The following KATNIP variants were observed in gnomAD, a reference collection of about 807,000 sequenced individuals.
KATNIP encodes katanin-interacting protein.
KATNIP carries 126 observed loss-of-function variants against 174.0 expected under a neutral mutation model. The ratio of observed to expected loss-of-function variants is 0.72; its 90% confidence interval spans 0.63 to 0.84. The LOEUF (loss-of-function observed/expected upper bound fraction) is 0.84. Ranked by LOEUF, KATNIP falls within the 40% of genes least tolerant of loss-of-function variation. The probability of loss-of-function intolerance (pLI) is 0.00; values close to 1 mark genes in which losing one functional copy is unlikely to be tolerated. For missense variants in KATNIP, 1,958 were observed against 2,109.7 expected (o/e 0.93, Z 1.41); for synonymous variants, 810 against 835.7 (o/e 0.97, Z 0.53).
intron 8 of KATNIP, among the ~76,000 whole-genome samples, chr16:27,690,498 CA>C (rs1391108561): frequency 8.5e-5 from 13 of 152,170 alleles, no homozygotes; most frequent in African/African-American, 2.7e-4. Flanking sequence ...GGTCCACATA[CA>C]GGGGTGGGAG....
At chr16:27,701,094 A>G (rs968220685) in intron 10 of KATNIP, among the ~76,000 whole-genome samples, 2 of 152,228 alleles carry the variant, frequency 1.3e-5, no homozygotes, top group Admixed American at 6.5e-5. Context: ...GGAATTCTTC[A>G]TAGAGTCTGC....
At chr16:27,768,744 T>A (rs2082202756) in intron 20 of KATNIP, among the ~76,000 whole-genome samples, 1 of 152,198 alleles carries the variant, frequency 6.6e-6, no homozygotes, top group African/African-American at 2.4e-5. Context: ...TCAGGTTTAC[T>A]TGTCCTGTAA....
rs1441180232 is a variant in KATNIP at position 27,776,435 on chromosome 16, C to G, written c.4450-493C>G. Reference sequence around the variant, plus strand: ...GATCTAGACAGCCCCCTTTTTACTCCCCCAGCGGAGGTTCACAGACACGCC... The same window carrying G: ...GATCTAGACAGCCCCCTTTTTACTCGCCCAGCGGAGGTTCACAGACACGCC... On this transcript the variant is annotated intron_variant, in intron 24 of 27. Transcript: ENST00000261588. The surrounding 1 kb of genome is among the most constrained non-coding windows in gnomAD (Gnocchi z 4.7). Among the ~76,000 whole-genome samples the G allele has an allele frequency of 1.3e-5, 2 of 152,162 alleles. No individual in the cohort carries two copies. The highest frequency in any genetic ancestry group is 1.9e-4 in the East Asian group (1 of 5,194).
At chr16:27,705,122 G>A (rs1405873859) in intron 12 of KATNIP, among the ~76,000 whole-genome samples, 1 of 152,012 alleles carries the variant, frequency 6.6e-6, no homozygotes. Flanking sequence ...TGTTGGCCAG[G>A]CTGGTCTCTA....
At chr16:27,653,800 A>G (rs747078469) in intron 6 of KATNIP, among the ~76,000 whole-genome samples, 13 of 152,022 alleles carry the variant, frequency 8.6e-5, no homozygotes, top group Non-Finnish European at 1.8e-4. Flanking sequence ...CTGAGACAAC[A>G]GGAACTCACC....
chr16:27,686,484 G>C (rs750702026), intron 8 of KATNIP, among the ~76,000 whole-genome samples: 6 of 152,062 alleles, frequency 3.9e-5, no homozygotes, highest in Non-Finnish European at 5.9e-5. Context: ...TTATATTAAG[G>C]TTTGTCTCTT....
chr16:27,773,230 G>T (rs144044128), intron 23 of KATNIP, 21 bp downstream of exon 23: 1 of 1,526,328 alleles, frequency 6.6e-7, no homozygotes, highest in South Asian at 1.2e-5. Context: ...TAGGACAGGA[G>T]TGGGCTCCAC....
chr16:27,749,508 G>A, intron 15 of KATNIP, 76 bp from the exon 16 acceptor site: 1 of 1,479,158 alleles, frequency 6.8e-7, no homozygotes, highest in Non-Finnish European at 9.0e-7. Flanking sequence ...GCCACCACAG[G>A]AGACAGTCTC....
chr16:27,692,482 A>G (rs2078769279), intron 8 of KATNIP, among the ~76,000 whole-genome samples: 1 of 152,170 alleles, frequency 6.6e-6, no homozygotes, highest in African/African-American at 2.4e-5. Flanking sequence ...AGGCTCTACA[A>G]GAACTGAGCC....
chr16:27,716,878 A>G (rs1330508754), intron 13 of KATNIP, among the ~76,000 whole-genome samples: 1 of 151,724 alleles, frequency 6.6e-6, no homozygotes, highest in Non-Finnish European at 1.5e-5. Flanking sequence ...GAAGTCTCAC[A>G]CTGTCGCCCA....
At position 27,554,694 on chromosome 16, in the gene KATNIP, G is replaced by A. The variant is rs201539268; in HGVS notation, c.7+4517G>A. 1.7e-4 allele frequency among the ~76,000 whole-genome samples: 26 copies of A among 151,582 alleles called. No individual in the cohort carries two copies. The East Asian group carries it at 4.5e-3, about 26-fold the overall frequency. On this transcript the variant is annotated intron_variant, in intron 1 of 27. Transcript: ENST00000261588. ...TTCATTTTCAGATTGGCCCCCAAAA[G>A]GAAAAATTTATTCTCAGAAGTGTTT...
At chr16:27,692,941 C>T (rs1049517035) in intron 8 of KATNIP, among the ~76,000 whole-genome samples, 3 of 152,082 alleles carry the variant, frequency 2.0e-5, no homozygotes, top group African/African-American at 4.8e-5. Context: ...GCGTTAGGGG[C>T]GAGGGTGTGT....
chr16:27,775,078 G>A lies in KATNIP; in HGVS notation c.4443G>A (p.Pro1481=), dbSNP rs146629703. Residue 1481 remains proline (P), a synonymous_variant, in exon 24 of 28, where the codon CCG becomes CCA. Transcript: ENST00000261588. ...GRHMWLAPIL[P]GLVNRVYVIF... is the part of the protein sequence containing the mutation. ...ACATGTGGCTGGCTCCCATCCTGCCGGGCCTGGTGGGTTCCCGGCAGCGGC... is the reference window on the plus strand; with the variant it reads ...ACATGTGGCTGGCTCCCATCCTGCCAGGCCTGGTGGGTTCCCGGCAGCGGC... The A allele has an allele frequency of 1.5e-4, 234 of 1,610,958 alleles. 2 individuals are homozygous for A. Among genetic ancestry groups the A allele is most frequent in the Admixed American group, 3.5e-4 (21 of 59,780 alleles).
intron 18 of KATNIP, 98 bp downstream of exon 18, chr16:27,754,349 G>A (rs756856294): frequency 1.1e-5 from 11 of 1,025,524 alleles, no homozygotes; most frequent in Non-Finnish European, 1.5e-5. Flanking sequence ...TGGACAATCG[G>A]GTGGGTTGGA....
intron 3 of KATNIP, 138 bp from the exon 4 acceptor site, chr16:27,628,523 C>T (rs1394796904): frequency 7.6e-6 from 7 of 925,386 alleles, no homozygotes; most frequent in Non-Finnish European, 1.2e-5. Context: ...TGTTTGTAGA[C>T]AAACAGCTGG....
chr16:27,648,781 G>A (rs1440476427), intron 6 of KATNIP, 46 bp downstream of exon 6: 11 of 1,593,974 alleles, frequency 6.9e-6, no homozygotes, highest in East Asian at 6.8e-5. Context: ...GAAGGACGGC[G>A]AGGCTCGGTG....
At chr16:27,774,332 G>T (rs2082415817) in intron 23 of KATNIP, among the ~76,000 whole-genome samples, 1 of 152,144 alleles carries the variant, frequency 6.6e-6, no homozygotes, top group Non-Finnish European at 1.5e-5. Flanking sequence ...CTCACATCTG[G>T]TGCACTCTGA....
intron 18 of KATNIP, among the ~76,000 whole-genome samples, chr16:27,757,859 A>T (rs2081798141): frequency 6.6e-6 from 1 of 152,152 alleles, no homozygotes; most frequent in East Asian, 1.9e-4. Context: ...CAATCCTATT[A>T]ATGTTTTGAA....
chr16:27,743,026 C>G (rs1156871547), intron 15 of KATNIP, among the ~76,000 whole-genome samples: 2 of 152,166 alleles, frequency 1.3e-5, no homozygotes, highest in African/African-American at 4.8e-5. Context: ...CACCCCCCAA[C>G]AGGCCACAGT....
Sources: gnomAD v4.1 joint callset for allele counts (sites outside exome capture counted in the v4.1 genomes callset) on GRCh38, gnomAD v4.1.1 for gene constraint, Gnocchi (gnomAD v3.1) non-coding constraint, MANE v1.5 for transcripts, NCBI Gene and HGNC (gene_info 2026-07-23, HGNC 2026-07-21) for gene names.